SLC4A4: variants seen among roughly 807,000 people sequenced by gnomAD.
SLC4A4 encodes the protein electrogenic sodium bicarbonate cotransporter 1.
SLC4A4 carries 27 observed loss-of-function variants against 111.5 expected under a neutral mutation model. The ratio of observed to expected loss-of-function variants is 0.24; its 90% CI spans 0.18 to 0.33. SLC4A4 has a LOEUF of 0.33. Ranked by LOEUF, SLC4A4 falls within the 10% of genes least tolerant of loss-of-function variation. The probability of loss-of-function intolerance (pLI) is 1.00; values close to 1 mark genes in which losing one functional copy is unlikely to be tolerated. For missense variants in SLC4A4, 909 were observed against 1,315.5 expected, an observed-to-expected ratio of 0.69 and a Z score of 4.78; for synonymous variants, 443 against 463.4, an observed-to-expected ratio of 0.96 and a Z score of 0.57.
Position 71,560,195 on chromosome 4 carries a change from A to G in SLC4A4, c.3040A>G (p.Lys1014Glu). Residue 1014 changes from lysine to glutamate, a missense_variant, in exon 23 of 26, where the codon AAG becomes GAG. Coordinates refer to ENST00000264485, the MANE Select transcript of SLC4A4 (RefSeq NM_001098484.3). The stretch of plus-strand genomic sequence containing the variant: ...CATTCCAGAAAAGGACAAGAAAAAG[A>G]AGGAGGATGAGAAGAAAAAGAAAAA... ...DVIPEKDKKK[K>E]EDEKKKKKKK... The G allele has an allele frequency of 2.5e-6, 4 of 1,611,042 alleles. No individual in the cohort carries two copies. The highest frequency in any genetic ancestry group is 2.5e-6 in the Non-Finnish European group (3 of 1,177,908).
Position 71,475,985 on chromosome 4 carries a change from C to T in SLC4A4, c.1903+3015C>T, listed in dbSNP as rs147626431. Among the ~76,000 whole-genome samples the T allele has an allele frequency of 4.6e-5, 7 of 151,852 alleles. No individual in the cohort carries two copies. The East Asian group carries it at 1.4e-3, about 30-fold the overall frequency. ...ATTGTAGGGCAGTTGGCCCATTATG[C>T]AACAAGACTGTTGGTTGTACCTCTT... On this transcript the variant is annotated intron_variant, in intron 14 of 25. Coordinates refer to ENST00000264485, the MANE Select transcript of SLC4A4 (RefSeq NM_001098484.3).
chr4:71,226,221 A>G (rs1402045868), intron 1 of SLC4A4, among the ~76,000 whole-genome samples: 1 of 152,198 alleles, frequency 6.6e-6, no homozygotes, highest in Non-Finnish European at 1.5e-5. Context: ...GTAACGCACT[A>G]CAGCCTCAAA....
intron 5 of SLC4A4, among the ~76,000 whole-genome samples, chr4:71,352,783 TAGAGAAATGAGTCAGATAG>T (rs1729959151): frequency 6.6e-6 from 1 of 152,122 alleles, no homozygotes; most frequent in Non-Finnish European, 1.5e-5. Context: ...TAGCAGAGTG[TAGAGAAATGAGTCAGATAG>T]AGAGACACTC....
At chr4:71,144,592 T>C (rs1388265013) in intron 2 of SLC4A4, among the ~76,000 whole-genome samples, 1 of 151,706 alleles carries the variant, frequency 6.6e-6, no homozygotes, top group African/African-American at 2.4e-5. Context: ...TGGAATGTTC[T>C]TCCATTTGTT....
chr4:71,165,903 A>G (rs1216025172), intron 2 of SLC4A4, among the ~76,000 whole-genome samples: 1 of 152,156 alleles, frequency 6.6e-6, no homozygotes, highest in Non-Finnish European at 1.5e-5. Flanking sequence ...ATGTGAGCAC[A>G]TGTAGTTACT....
intron 3 of SLC4A4, among the ~76,000 whole-genome samples, chr4:71,297,351 G>C (rs1724871793): frequency 6.6e-6 from 1 of 152,116 alleles, no homozygotes; most frequent in Non-Finnish European, 1.5e-5. Flanking sequence ...GAGCACTGCA[G>C]CTGCCGTGTA....
intron 16 of SLC4A4, among the ~76,000 whole-genome samples, chr4:71,528,766 C>T (rs567084651): frequency 8.6e-5 from 13 of 151,328 alleles, no homozygotes; most frequent in Non-Finnish European, 1.6e-4. Flanking sequence ...GAGTCAACAA[C>T]GTATAATATT....
intron 3 of SLC4A4, among the ~76,000 whole-genome samples, chr4:71,255,942 T>G (rs905902549): frequency 1.6e-4 from 25 of 152,332 alleles, no homozygotes; most frequent in African/African-American, 5.8e-4. Context: ...AGATGTTGAA[T>G]GTATTAGATG....
chr4:71,228,341 G>A (rs1279231952), intron 1 of SLC4A4, among the ~76,000 whole-genome samples: 3 of 152,120 alleles, frequency 2.0e-5, no homozygotes, highest in African/African-American at 7.2e-5. Context: ...TTTATCTGTG[G>A]TCTCCCCAGT....
intron 14 of SLC4A4, among the ~76,000 whole-genome samples, chr4:71,475,695 C>T (rs1221611249): frequency 6.6e-6 from 1 of 151,880 alleles, no homozygotes; most frequent in African/African-American, 2.4e-5. Flanking sequence ...AGTTCCTTTT[C>T]CCAAGGTATA....
intron 12 of SLC4A4, among the ~76,000 whole-genome samples, chr4:71,459,257 C>A (rs1333350023): frequency 6.6e-6 from 1 of 151,806 alleles, no homozygotes. Context: ...ATGCTAAATT[C>A]TAATTCTTAT....
chr4:71,201,592 A>G (rs973423370), intron 1 of SLC4A4, among the ~76,000 whole-genome samples: 6 of 152,210 alleles, frequency 3.9e-5, no homozygotes, highest in African/African-American at 1.4e-4. Context: ...AATGAATGTG[A>G]AATGCCTAGA....
At chr4:71,413,076 T>C (rs530772035) in intron 7 of SLC4A4, among the ~76,000 whole-genome samples, 1 of 152,280 alleles carries the variant, frequency 6.6e-6, no homozygotes, top group African/African-American at 2.4e-5. Context: ...TTGCCTGCCT[T>C]TGTGTCAGTG....
intron 7 of SLC4A4, among the ~76,000 whole-genome samples, chr4:71,425,702 G>T (rs544894264): frequency 6.6e-6 from 1 of 152,188 alleles, no homozygotes; most frequent in East Asian, 1.9e-4. Context: ...GGATGGTGGG[G>T]CAGGGAGATG....
intron 2 of SLC4A4, among the ~76,000 whole-genome samples, chr4:71,108,383 C>T (rs1262907712): frequency 6.6e-6 from 1 of 152,182 alleles, no homozygotes; most frequent in Non-Finnish European, 1.5e-5. Flanking sequence ...TTCTCCCTCA[C>T]TTTTGAAAGA....
intron 6 of SLC4A4, among the ~76,000 whole-genome samples, chr4:71,386,257 A>G (rs902442266): frequency 8.5e-5 from 13 of 152,116 alleles, no homozygotes; most frequent in Admixed American, 3.9e-4. Flanking sequence ...AAATTTCACA[A>G]TGATTCATCT....
At position 71,568,032 on chromosome 4, in the gene SLC4A4, C is replaced by T; in HGVS notation, c.*281C>T. ...AATACAGCGCTCTCTCTGCTTCTCT[C>T]TTGCATAGACACAATCAAGACAATA... On this transcript the variant is annotated 3_prime_UTR_variant, in exon 26 of 26. Transcript: ENST00000264485. 1.6e-6 allele frequency: 1 copy of T among 626,272 alleles called. No individual in the cohort carries two copies. Among genetic ancestry groups the T allele is most frequent in the East Asian group, 2.9e-5 (1 of 34,342 alleles). The allele number at this position is 626,272 out of a possible 1,614,324, so 38.8% of individuals were successfully genotyped here.
intron 1 of SLC4A4, among the ~76,000 whole-genome samples, chr4:71,220,396 G>T (rs116629985): frequency 1.3e-5 from 2 of 152,086 alleles, no homozygotes; most frequent in African/African-American, 2.4e-5. Context: ...CATGTGACTC[G>T]CTTTATTGTG....
intron 2 of SLC4A4, among the ~76,000 whole-genome samples, chr4:71,249,442 G>A (rs781338204): frequency 1.1e-4 from 16 of 151,980 alleles, no homozygotes; most frequent in Non-Finnish European, 2.1e-4. Context: ...TTTACCCCCT[G>A]GTAACTGCAA....
Sources: allele counts gnomAD v4.1 joint callset (sites outside exome capture counted in the v4.1 genomes callset), GRCh38; gene constraint gnomAD v4.1.1; transcripts MANE v1.5; gene names NCBI Gene and HGNC (gene_info 2026-07-23, HGNC 2026-07-21).